The following ANGPT2 variants were observed in gnomAD, a reference collection of about 807,000 sequenced individuals.
ANGPT2 encodes the protein angiopoietin-2.
ANGPT2 carries 28 observed loss-of-function variants against 62.9 expected under a neutral mutation model. The observed-to-expected ratio is 0.44, with a 90% CI of 0.33 to 0.61. The LOEUF is 0.61. Among genes scored for constraint, ANGPT2 ranks in the 20% least tolerant of loss-of-function variants. The probability of loss-of-function intolerance (pLI) is 0.03; values close to 1 mark genes in which losing one functional copy is unlikely to be tolerated. For missense variants in ANGPT2, 727 were observed against 594.9 expected (o/e 1.22, Z -2.31); for synonymous variants, 284 against 207.8 (o/e 1.37, Z -3.15).
chr8:6,532,490 A>G lies in ANGPT2; in HGVS notation c.289-3T>C. 5 of 1,610,842 alleles carry G rather than the reference A, an allele frequency of 3.1e-6. No homozygotes were observed. Among genetic ancestry groups the G allele is most frequent in the Non-Finnish European group, 4.2e-6 (5 of 1,178,604 alleles). On this transcript the variant is annotated splice_polypyrimidine_tract_variant and splice_region_variant and intron_variant, in intron 1 of 8. Transcript: ENST00000629816. Reference sequence around the variant, plus strand: ...TTGTCCTGGATATAATTCTCAAGCTAGAAAAGAACAGTGTTAGAAGGCAGT... The same window carrying G: ...TTGTCCTGGATATAATTCTCAAGCTGGAAAAGAACAGTGTTAGAAGGCAGT...
chr8:6,539,531 C>A (rs558269705), intron 1 of ANGPT2, among the ~76,000 whole-genome samples: 1 of 152,152 alleles, frequency 6.6e-6, no homozygotes, highest in Admixed American at 6.6e-5. Flanking sequence ...CTTTTAAGCA[C>A]TTCCTGAAAT....
chr8:6,521,379 C>T lies in ANGPT2; in HGVS notation c.598G>A (p.Asp200Asn). ...FLEKKVLAMEDKHIIQLQSIK... is the reference protein window; with the variant it reads ...FLEKKVLAMENKHIIQLQSIK... ...GACTGTAGTTGGATGATGTGCTTGT[C>T]TTCCATAGCTAGCACCTTCTTTTCT... Residue 200 changes from aspartate (D) to asparagine (N), a missense_variant, in exon 4 of 9, where the codon GAC becomes AAC. Transcript: ENST00000629816. 1 of 1,613,136 alleles carries T rather than the reference C, an allele frequency of 6.2e-7. No homozygotes were observed. The highest frequency in any genetic ancestry group is 2.2e-5 in the East Asian group (1 of 44,822).
intron 5 of ANGPT2, among the ~76,000 whole-genome samples, chr8:6,518,542 C>T (rs776793068): frequency 2.6e-5 from 4 of 152,070 alleles, no homozygotes; most frequent in African/African-American, 4.8e-5. Context: ...TTATCTTTTC[C>T]GTTCATAATC....
intron 3 of ANGPT2, among the ~76,000 whole-genome samples, chr8:6,523,890 A>ATTTT (rs367933701): frequency 6.9e-6 from 1 of 144,008 alleles, no homozygotes. Context: ...CCTGGCTGGC[A>ATTTT]TTTTTTTTTT....
chr8:6,534,707 T>C (rs905978234), intron 1 of ANGPT2, among the ~76,000 whole-genome samples: 2 of 152,224 alleles, frequency 1.3e-5, no homozygotes, highest in Admixed American at 6.5e-5. Flanking sequence ...ATCTCTATTA[T>C]AGGCTTCATA....
intron 2 of ANGPT2, among the ~76,000 whole-genome samples, chr8:6,530,652 C>G (rs1345002171): frequency 6.6e-6 from 1 of 151,740 alleles, no homozygotes; most frequent in African/African-American, 2.4e-5. Context: ...ATTTTTAGTA[C>G]CTTATGATCC....
intron 1 of ANGPT2, among the ~76,000 whole-genome samples, chr8:6,558,219 A>G (rs1053610766): frequency 1.3e-5 from 2 of 152,202 alleles, no homozygotes; most frequent in East Asian, 1.9e-4. Flanking sequence ...CATTTTAAAT[A>G]AAGGGCTGGT....
At chr8:6,541,536 G>A (rs893722013) in intron 1 of ANGPT2, among the ~76,000 whole-genome samples, 11 of 152,230 alleles carry the variant, frequency 7.2e-5, no homozygotes, top group African/African-American at 2.4e-4. Flanking sequence ...TGCAGCAGCA[G>A]AGCGAATGCG....
At chr8:6,539,155 G>A (rs768328456) in intron 1 of ANGPT2, among the ~76,000 whole-genome samples, 1 of 152,230 alleles carries the variant, frequency 6.6e-6, no homozygotes, top group Non-Finnish European at 1.5e-5. Context: ...ATTTTGGGCA[G>A]CACTTTGTCC....
chr8:6,509,798 C>G (rs905630380), intron 7 of ANGPT2, among the ~76,000 whole-genome samples: 1 of 152,174 alleles, frequency 6.6e-6, no homozygotes, highest in Non-Finnish European at 1.5e-5. Context: ...CTTAAATGTG[C>G]TCGGAACACT....
chr8:6,541,025 G>A (rs985742635), intron 1 of ANGPT2, among the ~76,000 whole-genome samples: 3 of 127,758 alleles, frequency 2.3e-5, no homozygotes, highest in South Asian at 2.7e-4. Context: ...CTGTGCTTGC[G>A]AGAGTGCCGA....
chr8:6,555,942 C>T (rs1403945436), intron 1 of ANGPT2, among the ~76,000 whole-genome samples: 1 of 152,168 alleles, frequency 6.6e-6, no homozygotes, highest in Non-Finnish European at 1.5e-5. Flanking sequence ...GAAGGGCTGG[C>T]ATCTCACCTA....
Position 6,562,922 on chromosome 8 carries a change from C to A in ANGPT2, c.13G>T (p.Val5Phe). The A allele has an allele frequency of 1.9e-6, 3 of 1,588,200 alleles. No homozygotes were observed. In the South Asian group the frequency reaches 3.4e-5, roughly 18 times the overall value. The change falls in exon 1 of 9, where the codon GTT becomes TTT. Residue 5 changes from valine to phenylalanine, a missense_variant. Val to Phe is a conservative substitution (Grantham distance 50). Coordinates refer to ENST00000629816, the MANE Select transcript of ANGPT2 (RefSeq NM_001118887.2). The stretch of plus-strand genomic sequence containing the variant: ...AGATCACAGCTCAGAGTAAAGAAAA[C>A]AATCTGCCACATTCTTTCTTCAGTA... MWQI[V>F]FFTLSCDLVL... is the part of the protein sequence containing the mutation.
chr8:6,539,680 T>G (rs1203753058), intron 1 of ANGPT2, among the ~76,000 whole-genome samples: 3 of 152,128 alleles, frequency 2.0e-5, no homozygotes, highest in African/African-American at 7.2e-5. Context: ...TCTGCCTCCC[T>G]GGTTCAAACG....
intron 2 of ANGPT2, 123 bp downstream of exon 2, chr8:6,532,209 T>C: frequency 8.9e-7 from 1 of 1,125,600 alleles, no homozygotes; most frequent in East Asian, 2.4e-5. Context: ...ATCAATTCAT[T>C]CCTTTTCTCC....
intron 1 of ANGPT2, among the ~76,000 whole-genome samples, chr8:6,549,930 C>A (rs937020212): frequency 1.3e-5 from 2 of 152,178 alleles, no homozygotes; most frequent in Non-Finnish European, 2.9e-5. Context: ...GACAGCAGGG[C>A]TCGAGTCTGA....
At position 6,562,860 on chromosome 8, in the gene ANGPT2, G is replaced by T. The variant is rs368780054; in HGVS notation, c.75C>A (p.Ser25Arg). ...LAAAYNNFRK[S>R]MDSIGKKQYQ... ...ATTGCTTCTTTCCTATGCTGTCCAT[G>T]CTCTTCCGAAAGTTGTTATAGGCTG... The change falls in exon 1 of 9, where the codon AGC becomes AGA. Residue 25 changes from serine (S) to arginine (R), a missense_variant. By Grantham distance (110) the Ser-to-Arg change is moderately radical. Transcript: ENST00000629816. The T allele has an allele frequency of 6.2e-7, 1 of 1,613,046 alleles. No homozygotes were observed. Among genetic ancestry groups the T allele is most frequent in the African/African-American group, 1.3e-5 (1 of 74,826 alleles).
chr8:6,555,902 TC>T (rs1334373766), intron 1 of ANGPT2, among the ~76,000 whole-genome samples: 1 of 152,216 alleles, frequency 6.6e-6, no homozygotes, highest in Non-Finnish European at 1.5e-5. Flanking sequence ...TTGCTTGTTT[TC>T]CTAGCAGCTT....
At chr8:6,504,254 C>G (rs930023219) in intron 8 of ANGPT2, among the ~76,000 whole-genome samples, 1 of 136,656 alleles carries the variant, frequency 7.3e-6, no homozygotes, top group African/African-American at 2.7e-5. Context: ...GGAGGCGGAG[C>G]TTGCAGTGAG....
Sources: allele counts gnomAD v4.1 joint callset (sites outside exome capture counted in the v4.1 genomes callset), GRCh38; gene constraint gnomAD v4.1.1; transcripts MANE v1.5; gene names NCBI Gene and HGNC (gene_info 2026-07-23, HGNC 2026-07-21).